The following NHS variants were observed in gnomAD, a reference collection of about 807,000 sequenced individuals.
NHS encodes actin remodeling regulator NHS.
Under a neutral mutation model 72.5 loss-of-function variants are expected in NHS, and 5 were observed. That is an observed-to-expected ratio of 0.07 (90% CI 0.04 to 0.14). NHS has a LOEUF of 0.14. NHS is among the 10% of genes least tolerant of loss of function. NHS has a pLI of 1.00. For synonymous variants in NHS, 464 were observed against 547.7 expected, an observed-to-expected ratio of 0.85 and a Z score of 2.13; for missense variants, 1,072 against 1,355.7, an observed-to-expected ratio of 0.79 and a Z score of 3.29.
intron 1 of NHS, among the ~76,000 whole-genome samples, chrX:17,476,783 A>T (rs1247276120): frequency 8.9e-6 from 1 of 111,963 alleles, no homozygotes; most frequent in Non-Finnish European, 1.9e-5. Context: ...GGCATTCATT[A>T]GTTCTTGGCA....
intron 1 of NHS, among the ~76,000 whole-genome samples, chrX:17,384,614 G>A (rs1199497309): frequency 8.9e-6 from 1 of 112,077 alleles, no homozygotes; most frequent in Non-Finnish European, 1.9e-5. Flanking sequence ...TCAGGACAGT[G>A]TAAAGTCCAC....
chrX:17,425,013 ATACT>A (rs1018792010), intron 1 of NHS, among the ~76,000 whole-genome samples: 1 of 112,183 alleles, frequency 8.9e-6, no homozygotes, highest in East Asian at 2.8e-4. Context: ...GGAAAGGGCT[ATACT>A]TACTTAATTT....
intron 1 of NHS, among the ~76,000 whole-genome samples, chrX:17,384,837 A>G (rs1482807125): frequency 8.9e-6 from 1 of 112,390 alleles, no homozygotes; most frequent in East Asian, 2.8e-4. Context: ...GTTCAGCTTA[A>G]TTTCTTTTTG....
chrX:17,524,725 C>A (rs1455910010), intron 1 of NHS, among the ~76,000 whole-genome samples: 1 of 112,233 alleles, frequency 8.9e-6, no homozygotes, highest in Non-Finnish European at 1.9e-5. Flanking sequence ...CCATTTGGCC[C>A]TTGTTGGTGA....
intron 3 of NHS, among the ~76,000 whole-genome samples, chrX:17,709,097 C>T (rs905892881): frequency 5.4e-5 from 6 of 110,850 alleles, no homozygotes; most frequent in African/African-American, 2.0e-4. Context: ...TATATACCTC[C>T]CATTTAACTC....
At chrX:17,380,318 A>C (rs1418121807) in intron 1 of NHS, among the ~76,000 whole-genome samples, 1 of 110,107 alleles carries the variant, frequency 9.1e-6, no homozygotes, top group Non-Finnish European at 1.9e-5. Flanking sequence ...GATGAACGCC[A>C]AATCAGAGGT....
chrX:17,482,684 TC>T (rs1400574737), intron 1 of NHS, among the ~76,000 whole-genome samples: 2 of 111,838 alleles, frequency 1.8e-5, no homozygotes. Flanking sequence ...GGGAATTGCA[TC>T]CGGTGCTGTC....
chrX:17,708,543 A>G (rs1326281107), intron 3 of NHS, among the ~76,000 whole-genome samples: 2 of 112,376 alleles, frequency 1.8e-5, no homozygotes, highest in Admixed American at 9.4e-5. Context: ...TCCAGAGTAC[A>G]TGGAGACTAG....
intron 2 of NHS, among the ~76,000 whole-genome samples, chrX:17,691,106 T>A (rs1241023432): frequency 1.8e-5 from 2 of 111,206 alleles, no homozygotes. Context: ...ACTCCCAGCC[T>A]AGAGCAAAGA....
At chrX:17,559,280 C>T (rs1031325009) in intron 1 of NHS, among the ~76,000 whole-genome samples, 64 of 111,962 alleles carry the variant, frequency 5.7e-4, no homozygotes, top group Non-Finnish European at 1.3e-4. Context: ...GGCCTGCCTG[C>T]CACTAGGATA....
Position 17,405,043 on chromosome X carries a change from A to G in NHS, c.565+28721A>G, listed in dbSNP as rs143533071. ...TTATGTCTTACCCACATGGAATTCA[A>G]TGTGGGTGTTCAGTAGATAACCTTC... is the stretch of plus-strand genomic sequence containing the variant. On this transcript the variant is annotated intron_variant, in intron 1 of 8. Coordinates refer to ENST00000676302, the MANE Select transcript of NHS (RefSeq NM_001291867.2). 2.6e-3 allele frequency among the ~76,000 whole-genome samples: 296 copies of G among 112,000 alleles called. 2 individuals are homozygous for G. The highest frequency in any genetic ancestry group is 9.0e-3 in the African/African-American group (277 of 30,833).
chrX:17,510,480 A>G (rs1371681000), intron 1 of NHS, among the ~76,000 whole-genome samples: 3 of 112,430 alleles, frequency 2.7e-5, no homozygotes, highest in Non-Finnish European at 5.6e-5. Context: ...AGATGATTTC[A>G]GTGTGAACCA....
chrX:17,400,404 G>A (rs1322360816), intron 1 of NHS, among the ~76,000 whole-genome samples: 1 of 111,388 alleles, frequency 9.0e-6, no homozygotes, highest in Non-Finnish European at 1.9e-5. Context: ...TGGCCAAGAT[G>A]ATGAAACCTC....
chrX:17,474,182 A>G (rs2064904365), intron 1 of NHS, among the ~76,000 whole-genome samples: 1 of 111,654 alleles, frequency 9.0e-6, no homozygotes, highest in South Asian at 3.8e-4. Flanking sequence ...GCCACTGAAG[A>G]TTGAAATGAA....
At position 17,646,067 on chromosome X, in the gene NHS, C is replaced by T. The variant is rs750961352; in HGVS notation, c.566-41675C>T. Reference sequence around the variant, plus strand: ...CCTGGGCGGAAGCAATCCTCCCACCCCAGCCTCCCAAGTAGCTGGGATTAG... The same window carrying T: ...CCTGGGCGGAAGCAATCCTCCCACCTCAGCCTCCCAAGTAGCTGGGATTAG... On this transcript the variant is annotated intron_variant, in intron 1 of 8. Coordinates refer to ENST00000676302, the MANE Select transcript of NHS (RefSeq NM_001291867.2). Among the ~76,000 whole-genome samples, 14 of 111,735 alleles carry T rather than the reference C, an allele frequency of 1.3e-4. No individual in the cohort carries two copies. In the East Asian group the frequency reaches 2.6e-3, roughly 20 times the overall value.
intron 1 of NHS, among the ~76,000 whole-genome samples, chrX:17,598,863 C>G (rs2147048671): frequency 9.0e-6 from 1 of 111,504 alleles, no homozygotes; most frequent in East Asian, 2.8e-4. Context: ...ACCTACTCTC[C>G]TCACAAAAAA....
Position 17,548,302 on chromosome X carries a change from GT to G in NHS, c.566-139429del, listed in dbSNP as rs746541411. ...AAGGAAGAATAGATTTGACGAATGA[GT>G]TTTTTTTTTTCCCATGCAGATTGGG... On this transcript the variant is annotated intron_variant, in intron 1 of 8. Coordinates refer to ENST00000676302, the MANE Select transcript of NHS (RefSeq NM_001291867.2). Among the ~76,000 whole-genome samples, 150 of 106,560 alleles carry G rather than the reference GT, an allele frequency of 1.4e-3. 5 individuals carry two copies. In the East Asian group the frequency reaches 0.018, roughly 13 times the overall value. The allele number at this position is 106,560 out of a possible 115,157, so 92.5% of individuals were successfully genotyped here. A position where few individuals can be genotyped will look rare whatever the true frequency, so the allele number is the denominator to read the frequency against.
chrX:17,574,436 G>A (rs1057034274), intron 1 of NHS, among the ~76,000 whole-genome samples: 4 of 112,410 alleles, frequency 3.6e-5, no homozygotes, highest in African/African-American at 1.3e-4. Flanking sequence ...CCAAGCTCCA[G>A]TGTCCCAGGT....
At chrX:17,596,714 C>A (rs2065625587) in intron 1 of NHS, among the ~76,000 whole-genome samples, 1 of 111,522 alleles carries the variant, frequency 9.0e-6, no homozygotes, top group Non-Finnish European at 1.9e-5. Flanking sequence ...TCAGTGCCAG[C>A]CACTCCAAGT....
Sources: allele counts gnomAD v4.1 joint callset (sites outside exome capture counted in the v4.1 genomes callset), GRCh38; gene constraint gnomAD v4.1.1; transcripts MANE v1.5; gene names NCBI Gene and HGNC (gene_info 2026-07-23, HGNC 2026-07-21).